The following MRTFA variants were observed in gnomAD, a reference collection of about 807,000 sequenced individuals.
MRTFA encodes myocardin-related transcription factor A.
MRTFA carries 20 observed loss-of-function variants against 83.5 expected under a neutral mutation model. The ratio of observed to expected loss-of-function variants is 0.24; its 90% CI spans 0.17 to 0.35. The LOEUF is 0.35. MRTFA is among the 10% of genes least tolerant of loss of function. The pLI is 1.00. For missense variants in MRTFA, 1,200 were observed against 1,224.7 expected, an observed-to-expected ratio of 0.98 and a Z score of 0.30; for synonymous variants, 659 against 541.2, an observed-to-expected ratio of 1.22 and a Z score of -3.02.
chr22:40,596,893 T>G (rs2056199245), intron 1 of MRTFA, among the ~76,000 whole-genome samples: 1 of 151,858 alleles, frequency 6.6e-6, no homozygotes, highest in South Asian at 2.1e-4. Context: ...GAGAATCACT[T>G]GAACCTGGGA....
intron 3 of MRTFA, among the ~76,000 whole-genome samples, chr22:40,474,634 C>CCTA (rs2053963329): frequency 6.6e-6 from 1 of 150,594 alleles, no homozygotes; most frequent in Non-Finnish European, 1.5e-5. Context: ...AATATGAGGG[C>CCTA]CTACTGTATG....
intron 4 of MRTFA, among the ~76,000 whole-genome samples, chr22:40,440,151 CAA>C (rs376161982): frequency 2.8e-4 from 20 of 70,740 alleles, no homozygotes; most frequent in African/African-American, 3.2e-4. Flanking sequence ...GACTCCGTCT[CAA>C]AAAAAAAAAA....
intron 3 of MRTFA, among the ~76,000 whole-genome samples, chr22:40,513,829 G>A (rs2054709381): frequency 6.6e-6 from 1 of 152,100 alleles, no homozygotes; most frequent in Non-Finnish European, 1.5e-5. Flanking sequence ...GGGCGTGATG[G>A]CTCACATTTG....
At chr22:40,606,242 G>A (rs1052627751) in intron 1 of MRTFA, among the ~76,000 whole-genome samples, 10 of 152,104 alleles carry the variant, frequency 6.6e-5, no homozygotes, top group Non-Finnish European at 1.0e-4. Flanking sequence ...AATTGATAAG[G>A]AAAGGAAAAT....
intron 3 of MRTFA, among the ~76,000 whole-genome samples, chr22:40,547,307 C>T (rs1375761173): frequency 1.3e-5 from 2 of 151,880 alleles, no homozygotes; most frequent in East Asian, 3.9e-4. Flanking sequence ...AACACAAACA[C>T]ACACATATAC....
Position 40,410,482 on chromosome 22 carries a change from GGCCA to G in MRTFA, c.*904_*907del. 1 of 233,248 alleles carries G rather than the reference GGCCA, an allele frequency of 4.3e-6. No homozygotes were observed. The highest frequency in any genetic ancestry group is 6.1e-5 in the East Asian group (1 of 16,522). 14.4% of individuals were successfully genotyped at this position (233,248 alleles called of 1,614,324 possible). The stretch of plus-strand genomic sequence containing the variant: ...GGGCCCGAAGCTCCTCCTGTCCTAG[GGCCA>G]CGCTGGCTGCAGTGAGGCGGCGGGG... On this transcript the variant is annotated 3_prime_UTR_variant, in exon 15 of 15. Transcript: ENST00000355630.
chr22:40,476,307 G>T (rs1365692062), intron 3 of MRTFA, among the ~76,000 whole-genome samples: 1 of 152,066 alleles, frequency 6.6e-6, no homozygotes, highest in Non-Finnish European at 1.5e-5. Flanking sequence ...AAAAAGATAC[G>T]AAAGAGAAGA....
At chr22:40,412,172 A>G (rs1312185202) in intron 14 of MRTFA, 1 of 315,600 alleles carries the variant, frequency 3.2e-6, no homozygotes, top group East Asian at 4.9e-5. Context: ...AGAATAGGTA[A>G]AAGAAAGATT....
chr22:40,466,255 G>A (rs531093223), intron 3 of MRTFA, among the ~76,000 whole-genome samples: 1 of 152,168 alleles, frequency 6.6e-6, no homozygotes, highest in African/African-American at 2.4e-5. Context: ...AATAATAAAT[G>A]AGTGTGCTAC....
chr22:40,432,579 T>C (rs1256511964), intron 5 of MRTFA, among the ~76,000 whole-genome samples: 1 of 150,952 alleles, frequency 6.6e-6, no homozygotes, highest in Non-Finnish European at 1.5e-5. Flanking sequence ...AGAACATTAG[T>C]GGATCAAGAC....
intron 2 of MRTFA, among the ~76,000 whole-genome samples, chr22:40,562,710 GAGGGGAA>G (rs1167927995): frequency 6.1e-5 from 5 of 81,822 alleles, no homozygotes; most frequent in African/African-American, 2.0e-4. Context: ...AAGAGGGAAG[GAGGGGAA>G]GGGGGAAGGG....
At chr22:40,443,193 A>T (rs750752091) in intron 4 of MRTFA, among the ~76,000 whole-genome samples, 1 of 152,158 alleles carries the variant, frequency 6.6e-6, no homozygotes, top group Non-Finnish European at 1.5e-5. Context: ...CAGAGGTTGC[A>T]GTCAGCCAAG....
At position 40,563,449 on chromosome 22, in the gene MRTFA, C is replaced by T. The variant is rs1009613725; in HGVS notation, c.-21-11082G>A. ...TTAATAAATATTTGTTAATTTACTA[C>T]GTATATTAACCTTACAGCAAACACA... On this transcript the variant is annotated intron_variant, in intron 2 of 14. Coordinates refer to ENST00000355630, the MANE Select transcript of MRTFA (RefSeq NM_020831.6). Among the ~76,000 whole-genome samples, 6 of 148,650 alleles carry T rather than the reference C, an allele frequency of 4.0e-5. No homozygotes were observed. In the South Asian group the frequency reaches 8.5e-4, roughly 21 times the overall value.
chr22:40,619,685 C>T (rs1321790381), intron 1 of MRTFA, among the ~76,000 whole-genome samples: 3 of 151,736 alleles, frequency 2.0e-5, no homozygotes, highest in Admixed American at 6.6e-5. Flanking sequence ...GTCAGGAGAT[C>T]GAGACCATCC....
At chr22:40,448,404 G>T (rs2053424277) in intron 4 of MRTFA, among the ~76,000 whole-genome samples, 1 of 152,128 alleles carries the variant, frequency 6.6e-6, no homozygotes, top group African/African-American at 2.4e-5. Context: ...AGCCCGGGAG[G>T]CAAAGGTTGC....
At chr22:40,562,134 G>A (rs976775309) in intron 2 of MRTFA, among the ~76,000 whole-genome samples, 3 of 151,622 alleles carry the variant, frequency 2.0e-5, no homozygotes, top group Admixed American at 2.0e-4. Context: ...GGAGAACGGC[G>A]TGAACCCGGG....
At chr22:40,513,428 C>T in intron 3 of MRTFA, among the ~76,000 whole-genome samples, 1 of 151,774 alleles carries the variant, frequency 6.6e-6, no homozygotes, top group East Asian at 1.9e-4. Flanking sequence ...TGGTGAAACC[C>T]CATCTCTACT....
At chr22:40,498,281 T>A (rs1435911843) in intron 3 of MRTFA, among the ~76,000 whole-genome samples, 81 of 95,030 alleles carry the variant, frequency 8.5e-4, no homozygotes, top group African/African-American at 1.8e-3. Context: ...ATATTTTTTT[T>A]TTTTTTTTTT....
rs1569356236 is a variant in MRTFA, at chr22:40,620,959, A to T, written c.-84+15519T>A. Among the ~76,000 whole-genome samples the T allele has an allele frequency of 2.0e-5, 3 of 152,240 alleles. No homozygotes were observed. In the South Asian group the frequency reaches 6.2e-4, roughly 32 times the overall value. The stretch of plus-strand genomic sequence containing the variant: ...CACTTTGAGAGGCCAAAGCAGGAGG[A>T]TAGCTTGAGCCCAGGAGTTCAAGAC... On this transcript the variant is annotated intron_variant, in intron 1 of 14. Transcript: ENST00000355630.
Sources: gnomAD v4.1 joint callset for allele counts (sites outside exome capture counted in the v4.1 genomes callset) on GRCh38, gnomAD v4.1.1 for gene constraint, MANE v1.5 for transcripts, NCBI Gene and HGNC (gene_info 2026-07-23, HGNC 2026-07-21) for gene names.